Variants in TP63 observed in about 807,000 individuals in gnomAD.
TP63 encodes tumor protein p63.
In TP63, 17 loss-of-function variants were observed where a neutral mutation model predicts 82.8. The observed-to-expected ratio is 0.21, with a 90% CI of 0.14 to 0.31. TP63 has a LOEUF of 0.31. Among genes scored for constraint, TP63 ranks in the 10% least tolerant of loss-of-function variants. The pLI is 1.00. For missense variants in TP63, 648 were observed against 895.3 expected (o/e 0.72, Z 3.52); for synonymous variants, 330 against 321.7 (o/e 1.03, Z -0.28).
chr3:189,764,597 A>G (rs577156043), intron 3 of TP63, among the ~76,000 whole-genome samples: 18 of 152,238 alleles, frequency 1.2e-4, no homozygotes, highest in Admixed American at 1.2e-3. Flanking sequence ...CAGTGATGTA[A>G]GCTTAATTCT....
chr3:189,746,651 G>A (rs916016671), intron 3 of TP63, among the ~76,000 whole-genome samples: 2 of 151,708 alleles, frequency 1.3e-5, no homozygotes, highest in African/African-American at 4.8e-5. Flanking sequence ...CTACACAAAA[G>A]TACCAGCAAT....
intron 10 of TP63, among the ~76,000 whole-genome samples, chr3:189,879,356 A>G (rs1485988607): frequency 1.3e-5 from 2 of 152,196 alleles, no homozygotes; most frequent in African/African-American, 2.4e-5. Flanking sequence ...CGTGGTGTAA[A>G]TAATTTCTTA....
chr3:189,799,406 G>A (rs549563203), intron 3 of TP63, among the ~76,000 whole-genome samples: 66 of 152,056 alleles, frequency 4.3e-4, no homozygotes, highest in African/African-American at 1.5e-3. Context: ...CCTGCATTTG[G>A]CCATGTGCTC....
chr3:189,759,754 T>C (rs1722432148), intron 3 of TP63, among the ~76,000 whole-genome samples: 1 of 152,228 alleles, frequency 6.6e-6, no homozygotes, highest in Non-Finnish European at 1.5e-5. Flanking sequence ...TGAAGTCTCA[T>C]AGGTGACCAC....
intron 4 of TP63, among the ~76,000 whole-genome samples, chr3:189,855,354 T>C (rs1716157126): frequency 6.6e-6 from 1 of 152,128 alleles, no homozygotes; most frequent in Admixed American, 6.5e-5. Context: ...AATAAGCAGC[T>C]TACTTAATTT....
chr3:189,784,298 A>G (rs1724436428), intron 3 of TP63, among the ~76,000 whole-genome samples: 2 of 152,116 alleles, frequency 1.3e-5, no homozygotes, highest in South Asian at 2.1e-4. Context: ...AGCATGGGCT[A>G]TATGGTAAAT....
intron 3 of TP63, among the ~76,000 whole-genome samples, chr3:189,801,949 A>G (rs1040788646): frequency 2.6e-5 from 4 of 152,254 alleles, no homozygotes; most frequent in African/African-American, 9.6e-5. Flanking sequence ...TTTGAGAAAA[A>G]TGTGATGCTA....
chr3:189,661,334 G>C (rs945226792), intron 1 of TP63, among the ~76,000 whole-genome samples: 4 of 151,830 alleles, frequency 2.6e-5, no homozygotes, highest in African/African-American at 9.7e-5. Context: ...GATGATCATG[G>C]GGTTTTTGTT....
chr3:189,872,719 G>A (rs1312165047), intron 9 of TP63, 140 bp from the exon 10 acceptor site: 3 of 1,334,650 alleles, frequency 2.2e-6, no homozygotes, highest in Non-Finnish European at 3.1e-6. Context: ...GGCCAAGAGT[G>A]TTGATTTTCA....
chr3:189,782,821 G>C (rs1724329311), intron 3 of TP63, among the ~76,000 whole-genome samples: 1 of 151,904 alleles, frequency 6.6e-6, no homozygotes, highest in African/African-American at 2.4e-5. Flanking sequence ...GCAATAGGAG[G>C]AACTTAATTT....
At chr3:189,737,698 A>G (rs771828349) in intron 1 of TP63, 42 bp from the exon 2 acceptor site, 64 of 1,604,066 alleles carry the variant, frequency 4.0e-5, no homozygotes, top group Non-Finnish European at 5.1e-5. Flanking sequence ...AGTGTCATAA[A>G]TACAGAAAGT....
At chr3:189,599,945 A>T in the TP63 span, among the ~76,000 whole-genome samples, 3 of 152,122 alleles carry the variant, frequency 2.0e-5, no homozygotes, top group Admixed American at 2.0e-4. Flanking sequence ...GCTCTGTGGG[A>T]TCTTTTCAGT....
At chr3:189,869,441 T>C in intron 9 of TP63, 35 bp downstream of exon 9, 1 of 1,563,872 alleles carries the variant, frequency 6.4e-7, no homozygotes, top group Non-Finnish European at 8.8e-7. Context: ...GTTGCTTCAT[T>C]TTAACCTTCT....
intron 1 of TP63, among the ~76,000 whole-genome samples, chr3:189,683,571 A>G (rs1026809510): frequency 1.3e-5 from 2 of 152,224 alleles, no homozygotes; most frequent in African/African-American, 4.8e-5. Flanking sequence ...CTTCTAAAAC[A>G]TGAAGAGCTA....
chr3:189,667,904 G>A (rs1387005084), intron 1 of TP63, among the ~76,000 whole-genome samples: 3 of 151,942 alleles, frequency 2.0e-5, no homozygotes, highest in South Asian at 2.1e-4. Flanking sequence ...AAATAAATAG[G>A]TGTGGCCATG....
chr3:189,730,011 G>A (rs948182943), intron 1 of TP63, among the ~76,000 whole-genome samples: 1 of 152,184 alleles, frequency 6.6e-6, no homozygotes, highest in Non-Finnish European at 1.5e-5. Flanking sequence ...AAGGAATTGT[G>A]TGGTCAGGAA....
intron 1 of TP63, among the ~76,000 whole-genome samples, chr3:189,733,427 T>C (rs1435923761): frequency 6.6e-6 from 1 of 152,208 alleles, no homozygotes; most frequent in African/African-American, 2.4e-5. Context: ...TTTTCGAATC[T>C]CACACACTAA....
intron 1 of TP63, among the ~76,000 whole-genome samples, chr3:189,714,858 A>T (rs1050450144): frequency 6.6e-6 from 1 of 152,204 alleles, no homozygotes; most frequent in Admixed American, 6.5e-5. Flanking sequence ...CTAAAAAGCA[A>T]AATAGAACAA....
intron 4 of TP63, among the ~76,000 whole-genome samples, chr3:189,858,399 G>A (rs1233966717): frequency 1.2e-4 from 1 of 8,392 alleles, no homozygotes; most frequent in South Asian, 3.2e-3. Flanking sequence ...GCGAGACTCC[G>A]TCTCAAAAAA....
Sources: gnomAD v4.1 joint callset for allele counts (sites outside exome capture counted in the v4.1 genomes callset) on GRCh38, gnomAD v4.1.1 for gene constraint, MANE v1.5 for transcripts, NCBI Gene and HGNC (gene_info 2026-07-23, HGNC 2026-07-21) for gene names.